Variants in PIK3AP1 observed in about 807,000 individuals in gnomAD.
PIK3AP1 encodes the protein phosphoinositide-3-kinase adaptor protein 1.
A neutral mutation model predicts 88.1 loss-of-function variants in PIK3AP1; 21 were observed. The ratio of observed to expected loss-of-function variants is 0.24; its 90% CI spans 0.17 to 0.34. The LOEUF (loss-of-function observed/expected upper bound fraction) is 0.34, where lower values mean the gene tolerates loss of function less well. Ranked by LOEUF, PIK3AP1 falls within the 10% of genes least tolerant of loss-of-function variation. The pLI, the probability that PIK3AP1 is intolerant of heterozygous loss-of-function variation, is 1.00. For synonymous variants in PIK3AP1, 398 were observed against 400.0 expected (o/e 1.00, Z 0.06); for missense variants, 828 against 1,035.7 (o/e 0.80, Z 2.75).
chr10:96,632,966 C>G, intron 8 of PIK3AP1: 1 of 1,612,880 alleles, frequency 6.2e-7, no homozygotes, highest in Non-Finnish European at 8.5e-7. Flanking sequence ...GTGAAGAGAG[C>G]TGGTCTTCCT....
chr10:96,611,327 A>G (rs10882826), intron 13 of PIK3AP1, among the ~76,000 whole-genome samples: 93,181 of 151,746 alleles, frequency 0.61, 29,859 homozygotes, highest in East Asian at 0.83. Flanking sequence ...CAACCATGCC[A>G]TGGAAGCACC....
At chr10:96,714,459 G>A (rs1332611888) in intron 1 of PIK3AP1, among the ~76,000 whole-genome samples, 2 of 152,184 alleles carry the variant, frequency 1.3e-5, no homozygotes, top group African/African-American at 4.8e-5. Flanking sequence ...TAATCTCTAA[G>A]TTGCACCCAA....
chr10:96,621,192 C>G (rs1843075150), intron 11 of PIK3AP1: 1 of 155,330 alleles, frequency 6.4e-6, no homozygotes, highest in Non-Finnish European at 1.4e-5. Context: ...GTTGCAAAGG[C>G]TGGTGTGGGG....
chr10:96,614,997 A>G (rs925269854), intron 13 of PIK3AP1, among the ~76,000 whole-genome samples: 1 of 152,196 alleles, frequency 6.6e-6, no homozygotes, highest in Non-Finnish European at 1.5e-5. Context: ...GGGAACAGAA[A>G]GTGAGTCGTG....
At chr10:96,642,006 T>C (rs1843395586) in intron 8 of PIK3AP1, among the ~76,000 whole-genome samples, 1 of 152,192 alleles carries the variant, frequency 6.6e-6, no homozygotes, top group Admixed American at 6.5e-5. Flanking sequence ...AGGTCCAAGT[T>C]GCTGCTGCTT....
chr10:96,683,270 C>T (rs865888786), intron 2 of PIK3AP1, among the ~76,000 whole-genome samples: 1 of 152,176 alleles, frequency 6.6e-6, no homozygotes, highest in African/African-American at 2.4e-5. Context: ...TATTCAATTG[C>T]TAAAGTGGCT....
chr10:96,666,258 A>T (rs985545083), intron 2 of PIK3AP1, among the ~76,000 whole-genome samples: 1 of 152,112 alleles, frequency 6.6e-6, no homozygotes, highest in Non-Finnish European at 1.5e-5. Flanking sequence ...TCTCTACTAA[A>T]AATACAAAAA....
chr10:96,616,679 G>A lies in PIK3AP1; in HGVS notation c.1974C>T (p.Thr658=), dbSNP rs748415835. The A allele has an allele frequency of 1.2e-6, 2 of 1,614,020 alleles. No homozygotes were observed. Among genetic ancestry groups the A allele is most frequent in the African/African-American group, 1.3e-5 (1 of 74,904 alleles). The part of the protein sequence containing the change: ...ENLKRLRDSI[T]RRQREKQKSG... ...ATTTTTGCTTCTCTCTCTGTCTTCG[G>A]GTGATGCTGTCTCTTAGCCGTTTAA... Residue 658 remains threonine (T), a synonymous_variant, in exon 13 of 17, where the codon ACC becomes ACT. Coordinates refer to ENST00000339364, the MANE Select transcript of PIK3AP1 (RefSeq NM_152309.3).
At chr10:96,647,651 T>C (rs1438246851) in intron 7 of PIK3AP1, among the ~76,000 whole-genome samples, 2 of 152,242 alleles carry the variant, frequency 1.3e-5, no homozygotes, top group Non-Finnish European at 2.9e-5. Flanking sequence ...AAGTCCCCTC[T>C]GTGCCTCCGT....
At chr10:96,653,599 T>C (rs1843573878) in intron 3 of PIK3AP1, among the ~76,000 whole-genome samples, 2 of 143,656 alleles carry the variant, frequency 1.4e-5, no homozygotes, top group South Asian at 4.8e-4. Flanking sequence ...GCGATTCTCA[T>C]GCCTCAGCCT....
At chr10:96,686,611 G>T (rs1222738411) in intron 2 of PIK3AP1, among the ~76,000 whole-genome samples, 1 of 152,058 alleles carries the variant, frequency 6.6e-6, no homozygotes, top group Non-Finnish European at 1.5e-5. Context: ...ATCCACAAGA[G>T]CACCCGTAGC....
chr10:96,628,529 TCTC>T lies in PIK3AP1; in HGVS notation c.1376-39_1376-37del, dbSNP rs751710174. The T allele has an allele frequency of 1.1e-5, 16 of 1,522,598 alleles. No individual in the cohort carries two copies. In the South Asian group the frequency reaches 1.7e-4, roughly 16 times the overall value. The allele number at this position is 1,522,598 out of a possible 1,614,324, so 94.3% of individuals were successfully genotyped here. A position where few individuals can be genotyped will look rare whatever the true frequency, so the allele number is the denominator to read the frequency against. The stretch of plus-strand genomic sequence containing the variant: ...AAGGAGACTAAGAGTTATATATTGG[TCTC>T]CTCCACAGGCAAGGAGATTTTTACA... On this transcript the variant is annotated intron_variant, in intron 8 of 16. Coordinates refer to ENST00000339364, the MANE Select transcript of PIK3AP1 (RefSeq NM_152309.3).
intron 8 of PIK3AP1, among the ~76,000 whole-genome samples, chr10:96,635,977 G>T (rs897213437): frequency 6.6e-6 from 1 of 151,652 alleles, no homozygotes; most frequent in East Asian, 1.9e-4. Context: ...GGAGGCCGAG[G>T]GGGGTGGATC....
rs1324359613 is a variant in PIK3AP1, at chr10:96,709,562, C to T, written c.430+5G>A. 1 of 1,597,474 alleles carries T rather than the reference C, an allele frequency of 6.3e-7. No homozygotes were observed. The highest frequency in any genetic ancestry group is 1.3e-5 in the African/African-American group (1 of 74,446). On this transcript the variant is annotated splice_donor_5th_base_variant and intron_variant, in intron 2 of 16. Coordinates refer to ENST00000339364, the MANE Select transcript of PIK3AP1 (RefSeq NM_152309.3). Reference sequence around the variant, plus strand: ...GGCTTGCTTATCTTTAGAAGAAATCCTTACCTTCGGAAATGGCTTTTTTCA... The same window carrying T: ...GGCTTGCTTATCTTTAGAAGAAATCTTTACCTTCGGAAATGGCTTTTTTCA...
intron 13 of PIK3AP1, among the ~76,000 whole-genome samples, chr10:96,612,948 G>GTATATATATA (rs1564954712): frequency 4.3e-5 from 2 of 46,312 alleles, no homozygotes; most frequent in African/African-American, 1.7e-4. Flanking sequence ...TTGTGTGTGT[G>GTATATATATA]TGTATATATA....
intron 2 of PIK3AP1, among the ~76,000 whole-genome samples, chr10:96,684,315 G>T (rs1456890698): frequency 2.0e-5 from 3 of 152,208 alleles, no homozygotes; most frequent in African/African-American, 7.2e-5. Flanking sequence ...TATTAAGTGT[G>T]ATAATATATA....
At chr10:96,678,218 GA>G (rs1406645930) in intron 2 of PIK3AP1, among the ~76,000 whole-genome samples, 24 of 152,172 alleles carry the variant, frequency 1.6e-4, no homozygotes, top group Admixed American at 1.6e-3. Context: ...CAGATCATCT[GA>G]GGTCAGGAGT....
chr10:96,720,432 GC>G lies in PIK3AP1; in HGVS notation c.-39del. 1 of 1,230,150 alleles carries G rather than the reference GC, an allele frequency of 8.1e-7. No homozygotes were observed. 76.2% of individuals were successfully genotyped at this position (1,230,150 alleles called of 1,614,324 possible). On this transcript the variant is annotated 5_prime_UTR_variant, in exon 1 of 17. Transcript: ENST00000339364. This position sits in a 1 kb window ranked among gnomAD's most constrained non-coding sequence, Gnocchi z 4.6. Reference sequence around the variant, plus strand: ...CGCTCACATCCCTGGCTCGCTGCGTGCCCGGGGCCGGGACCGGGGCCGGCGG... The same window carrying G: ...CGCTCACATCCCTGGCTCGCTGCGTGCCGGGGCCGGGACCGGGGCCGGCGG...
At chr10:96,697,805 A>G (rs1844241350) in intron 2 of PIK3AP1, among the ~76,000 whole-genome samples, 1 of 152,216 alleles carries the variant, frequency 6.6e-6, no homozygotes, top group South Asian at 2.1e-4. Flanking sequence ...AAAAGTTCCA[A>G]ATGTCCTCCA....
Sources: allele counts gnomAD v4.1 joint callset (sites outside exome capture counted in the v4.1 genomes callset), GRCh38; gene constraint gnomAD v4.1.1; non-coding constraint Gnocchi (gnomAD v3.1); transcripts MANE v1.5; gene names NCBI Gene and HGNC (gene_info 2026-07-23, HGNC 2026-07-21).